Variants in SLC35F3 observed in about 807,000 individuals in gnomAD.
SLC35F3 encodes the protein solute carrier family 35 member F3.
Under a neutral mutation model 49.9 loss-of-function variants are expected in SLC35F3, and 25 were observed. That is an observed-to-expected ratio of 0.50 (90% confidence interval 0.37 to 0.70). The LOEUF is 0.70. Among genes scored for constraint, SLC35F3 ranks in the 30% least tolerant of loss-of-function variants. SLC35F3 has a pLI of 0.00. For synonymous variants in SLC35F3, 275 were observed against 265.4 expected (o/e 1.04, Z -0.35); for missense variants, 525 against 639.8 (o/e 0.82, Z 1.94).
chr1:234,142,611 G>A (rs1048155624), intron 2 of SLC35F3, among the ~76,000 whole-genome samples: 1 of 152,170 alleles, frequency 6.6e-6, no homozygotes, highest in Admixed American at 6.5e-5. Context: ...GTTTGGTATT[G>A]GGAAGTGGGG....
At chr1:234,080,322 A>C (rs571966453) in intron 2 of SLC35F3, among the ~76,000 whole-genome samples, 1 of 152,288 alleles carries the variant, frequency 6.6e-6, no homozygotes, top group African/African-American at 2.4e-5. Flanking sequence ...TTATTACATT[A>C]CAGTATCACA....
At chr1:234,233,988 C>T (rs1022036877) in intron 3 of SLC35F3, among the ~76,000 whole-genome samples, 4 of 152,066 alleles carry the variant, frequency 2.6e-5, no homozygotes, top group Non-Finnish European at 5.9e-5. Flanking sequence ...GAAGAGAGAT[C>T]CTTCCTCAAA....
intron 2 of SLC35F3, among the ~76,000 whole-genome samples, chr1:234,175,528 C>T (rs1243617191): frequency 2.0e-5 from 3 of 152,044 alleles, no homozygotes; most frequent in Admixed American, 6.6e-5. Flanking sequence ...CTTCATGCCA[C>T]GGCTCATGCC....
At chr1:234,198,827 C>T (rs902696539) in intron 2 of SLC35F3, among the ~76,000 whole-genome samples, 1 of 152,026 alleles carries the variant, frequency 6.6e-6, no homozygotes, top group African/African-American at 2.4e-5. Flanking sequence ...CTGTGGTCAC[C>T]ATTCCCTGAA....
intron 2 of SLC35F3, among the ~76,000 whole-genome samples, chr1:233,983,160 C>A (rs1299729842): frequency 2.0e-5 from 3 of 151,966 alleles, no homozygotes; most frequent in African/African-American, 7.3e-5. Flanking sequence ...TCTTTGAGAT[C>A]AAGTCCTCCC....
intron 2 of SLC35F3, among the ~76,000 whole-genome samples, chr1:233,979,438 ACATTTTGTCCTTATATTT>A (rs1400318732): frequency 6.6e-6 from 1 of 152,218 alleles, no homozygotes; most frequent in Non-Finnish European, 1.5e-5. Context: ...AAGAGAAAGG[ACATTTTGTCCTTATATTT>A]GGCAGCCTAA....
chr1:234,163,643 G>C (rs1191771718), intron 2 of SLC35F3, among the ~76,000 whole-genome samples: 1 of 152,210 alleles, frequency 6.6e-6, no homozygotes, highest in Non-Finnish European at 1.5e-5. Context: ...CCTCTTGATA[G>C]ACTTCCAAGA....
intron 2 of SLC35F3, among the ~76,000 whole-genome samples, chr1:234,030,703 G>A (rs555305238): frequency 6.6e-6 from 1 of 152,192 alleles, no homozygotes; most frequent in South Asian, 2.1e-4. Context: ...AAAAACAAGT[G>A]TTTTTGTATA....
intron 2 of SLC35F3, among the ~76,000 whole-genome samples, chr1:234,200,606 T>C (rs921252224): frequency 4.6e-5 from 7 of 152,214 alleles, no homozygotes; most frequent in African/African-American, 1.7e-4. Context: ...GGCCTTTTAT[T>C]TCTTAAAATT....
intron 2 of SLC35F3, among the ~76,000 whole-genome samples, chr1:234,152,561 C>T (rs1666092250): frequency 6.6e-6 from 1 of 152,116 alleles, no homozygotes; most frequent in Admixed American, 6.5e-5. Context: ...ATGAACTCAT[C>T]CTTTTTTATG....
At chr1:233,997,114 T>C (rs1382578665) in intron 2 of SLC35F3, among the ~76,000 whole-genome samples, 2 of 152,202 alleles carry the variant, frequency 1.3e-5, no homozygotes, top group Non-Finnish European at 2.9e-5. Flanking sequence ...GACTATTCCA[T>C]TGCATATATA....
intron 3 of SLC35F3, among the ~76,000 whole-genome samples, chr1:234,304,046 T>TTCCTTCC (rs1558104721): frequency 0.023 from 559 of 24,334 alleles, no homozygotes; most frequent in South Asian, 0.047. Flanking sequence ...TCCTTCCTTC[T>TTCCTTCC]TTCTTTCCTT....
rs1281253891 is a variant in SLC35F3 at position 233,915,022 on chromosome 1, A to G, written c.283+9264A>G. 2.0e-5 allele frequency among the ~76,000 whole-genome samples: 3 copies of G among 152,244 alleles called. No homozygotes were observed. The East Asian group carries it at 5.8e-4, about 29-fold the overall frequency. On this transcript the variant is annotated intron_variant, in intron 2 of 7. Coordinates refer to ENST00000366618, the MANE Select transcript of SLC35F3 (RefSeq NM_173508.4). ...TTGGAGGAAACGAATTGCTCTCCTC[A>G]GGTGATTTGCAGTGTTAAAGGCTAC... is the stretch of plus-strand genomic sequence containing the variant.
intron 2 of SLC35F3, among the ~76,000 whole-genome samples, chr1:234,008,982 A>G (rs1663672956): frequency 6.6e-6 from 1 of 152,210 alleles, no homozygotes; most frequent in Non-Finnish European, 1.5e-5. Context: ...TTTGGATATC[A>G]TATCACTCAC....
At chr1:233,934,175 C>T (rs4131253) in intron 2 of SLC35F3, among the ~76,000 whole-genome samples, 40,096 of 151,988 alleles carry the variant, frequency 0.26, 6,787 homozygotes, top group Admixed American at 0.47. Flanking sequence ...GGCTATGAAC[C>T]GGATGCATAT....
intron 3 of SLC35F3, among the ~76,000 whole-genome samples, chr1:234,291,564 G>A (rs1404830079): frequency 6.6e-6 from 1 of 152,166 alleles, no homozygotes; most frequent in Non-Finnish European, 1.5e-5. Context: ...AGTCTCCCAA[G>A]TGGCTGAAAC....
At chr1:234,148,940 G>T (rs1572070208) in intron 2 of SLC35F3, among the ~76,000 whole-genome samples, 3 of 152,168 alleles carry the variant, frequency 2.0e-5, no homozygotes, top group African/African-American at 7.2e-5. Flanking sequence ...ACATGTAGGG[G>T]CATGAGGTGG....
intron 2 of SLC35F3, among the ~76,000 whole-genome samples, chr1:234,094,660 C>T (rs1193592741): frequency 6.6e-6 from 1 of 152,226 alleles, no homozygotes; most frequent in Non-Finnish European, 1.5e-5. Context: ...GATTTCCAAA[C>T]CCCTCTCTAT....
intron 2 of SLC35F3, among the ~76,000 whole-genome samples, chr1:234,064,375 A>G (rs906215156): frequency 6.6e-6 from 1 of 152,192 alleles, no homozygotes; most frequent in Non-Finnish European, 1.5e-5. Flanking sequence ...AATATATCTT[A>G]TTATAATTTT....
Sources: gnomAD v4.1 joint callset for allele counts (sites outside exome capture counted in the v4.1 genomes callset) on GRCh38, gnomAD v4.1.1 for gene constraint, MANE v1.5 for transcripts, NCBI Gene and HGNC (gene_info 2026-07-23, HGNC 2026-07-21) for gene names.